NR3C2: variants seen among roughly 807,000 people sequenced by gnomAD.
NR3C2 encodes mineralocorticoid receptor.
In NR3C2, 15 loss-of-function variants were observed where a neutral mutation model predicts 86.4. The ratio of observed to expected loss-of-function variants is 0.17; its 90% CI spans 0.12 to 0.27. NR3C2 has a LOEUF of 0.27. Ranked by LOEUF, NR3C2 falls within the 10% of genes least tolerant of loss-of-function variation. NR3C2 has a pLI of 1.00. For missense variants in NR3C2, 960 were observed against 1,195.6 expected (o/e 0.80, Z 2.91); for synonymous variants, 458 against 450.5 (o/e 1.02, Z -0.21).
At chr4:148,401,731 G>A (rs1342096618) in intron 2 of NR3C2, among the ~76,000 whole-genome samples, 4 of 151,990 alleles carry the variant, frequency 2.6e-5, no homozygotes, top group Admixed American at 1.3e-4. Flanking sequence ...CAAAGTGCTG[G>A]GATTACAGGT....
chr4:148,192,271 C>G (rs183318971), intron 4 of NR3C2, among the ~76,000 whole-genome samples: 1 of 152,302 alleles, frequency 6.6e-6, no homozygotes, highest in African/African-American at 2.4e-5. Context: ...AGCCACCCAG[C>G]AAGTCTACCT....
rs573675842 is a variant in NR3C2, at chr4:148,191,233, A to C, written c.2014+3513T>G. ...CTGAAAATGGCTGTATCTTTCCTTC[A>C]TATGTGATACTTAGTTTCACTGGAT... On this transcript the variant is annotated intron_variant, in intron 4 of 8. Coordinates refer to ENST00000358102, the MANE Select transcript of NR3C2 (RefSeq NM_000901.5). Among the ~76,000 whole-genome samples the C allele has an allele frequency of 5.6e-4, 85 of 152,250 alleles. 1 individual carries two copies. In the South Asian group the frequency reaches 9.7e-3, roughly 17 times the overall value.
chr4:148,084,515 A>G (rs1185272895), intron 8 of NR3C2, among the ~76,000 whole-genome samples: 22 of 152,240 alleles, frequency 1.4e-4, no homozygotes, highest in Admixed American at 1.4e-3. Context: ...TCCTGAAGGA[A>G]GCGCTAGACA....
At chr4:148,401,630 AT>A (rs1748170883) in intron 2 of NR3C2, among the ~76,000 whole-genome samples, 2 of 151,718 alleles carry the variant, frequency 1.3e-5, no homozygotes, top group Non-Finnish European at 2.9e-5. Context: ...CGCCCGGCTA[AT>A]TTTTGTATTT....
At chr4:148,352,366 C>CTA in intron 2 of NR3C2, among the ~76,000 whole-genome samples, 1 of 145,284 alleles carries the variant, frequency 6.9e-6, no homozygotes, top group Non-Finnish European at 1.5e-5. Context: ...CTACATACAA[C>CTA]TCCTATCATC....
chr4:148,259,064 C>T (rs1739964257), intron 3 of NR3C2, among the ~76,000 whole-genome samples: 1 of 152,112 alleles, frequency 6.6e-6, no homozygotes, highest in South Asian at 2.1e-4. Context: ...AAGATATGAC[C>T]TTGTGGTCTC....
rs1578942813 is a variant in NR3C2, at chr4:148,150,529, T to A, written c.2510+1940A>T. The stretch of plus-strand genomic sequence containing the variant: ...GGGCCAGCCATCTTAAACGGTGAAA[T>A]CACCAAAAGGCATAAAAATGCAAAA... On this transcript the variant is annotated intron_variant, in intron 6 of 8. Transcript: ENST00000358102. 3.9e-5 allele frequency among the ~76,000 whole-genome samples: 6 copies of A among 152,150 alleles called. 1 individual carries two copies. Among genetic ancestry groups the A allele is most frequent in the Admixed American group, 3.9e-4 (6 of 15,276 alleles).
intron 3 of NR3C2, among the ~76,000 whole-genome samples, chr4:148,241,449 C>T (rs952252735): frequency 1.3e-5 from 2 of 151,746 alleles, no homozygotes; most frequent in African/African-American, 4.8e-5. Flanking sequence ...CCCTTCCATA[C>T]CACATTAGCC....
intron 8 of NR3C2, among the ~76,000 whole-genome samples, chr4:148,098,805 A>T (rs1376272769): frequency 6.6e-6 from 1 of 152,234 alleles, no homozygotes; most frequent in Admixed American, 6.5e-5. Flanking sequence ...GCATCTTCCT[A>T]GCCTTTTAAA....
intron 2 of NR3C2, among the ~76,000 whole-genome samples, chr4:148,432,149 G>C (rs1340132756): frequency 2.0e-5 from 3 of 152,096 alleles, no homozygotes; most frequent in Non-Finnish European, 4.4e-5. Flanking sequence ...TTAGTGAGAA[G>C]AGTGGCACTG....
At chr4:148,149,232 C>T (rs1223365660) in intron 6 of NR3C2, among the ~76,000 whole-genome samples, 3 of 152,174 alleles carry the variant, frequency 2.0e-5, no homozygotes, top group Non-Finnish European at 2.9e-5. Flanking sequence ...CTAATAATTA[C>T]ATCAATAACA....
chr4:148,142,029 TGAGG>T (rs760328472), intron 6 of NR3C2, among the ~76,000 whole-genome samples: 1 of 151,994 alleles, frequency 6.6e-6, no homozygotes, highest in Admixed American at 6.6e-5. Flanking sequence ...GGGTTGGGCT[TGAGG>T]GAGGGAGAAG....
intron 2 of NR3C2, among the ~76,000 whole-genome samples, chr4:148,423,858 G>A (rs184948036): frequency 3.4e-4 from 51 of 152,200 alleles, no homozygotes; most frequent in Admixed American, 1.1e-3. Context: ...ACAGTTGCAC[G>A]CCACTACGCC....
rs550163515 is a variant in NR3C2, at chr4:148,087,168, T to C, written c.2800-5669A>G. 3.9e-5 allele frequency among the ~76,000 whole-genome samples: 6 copies of C among 152,292 alleles called. 1 individual carries two copies. The East Asian group carries it at 9.6e-4, about 24-fold the overall frequency. ...ATCATTAGTGAACTCCCATTCACAA[T>C]TGCTACAAACAGAATAAAATAACTA... On this transcript the variant is annotated intron_variant, in intron 8 of 8. Transcript: ENST00000358102.
At chr4:148,309,591 TTCTC>T (rs1023920974) in intron 2 of NR3C2, among the ~76,000 whole-genome samples, 1 of 151,052 alleles carries the variant, frequency 6.6e-6, no homozygotes, top group Non-Finnish European at 1.5e-5. Context: ...AATCTTCATA[TTCTC>T]TCTTTCTATA....
At chr4:148,442,721 C>G, upstream of NR3C2, 1 of 985,400 alleles carries the variant, frequency 1.0e-6, no homozygotes, top group Non-Finnish European at 1.2e-6. Context: ...CGGCAGCTTC[C>G]TTAAAGCCGC....
chr4:148,429,270 T>C (rs72645609), intron 2 of NR3C2, among the ~76,000 whole-genome samples: 2,480 of 152,330 alleles, frequency 0.016, 58 homozygotes, highest in African/African-American at 0.057. Context: ...AGTTTTCATA[T>C]ATTTATCTCA....
At chr4:148,155,788 G>A (rs917862383) in intron 4 of NR3C2, among the ~76,000 whole-genome samples, 1 of 151,996 alleles carries the variant, frequency 6.6e-6, no homozygotes, top group Non-Finnish European at 1.5e-5. Context: ...AACCAAAAAA[G>A]AGCCTGCATC....
chr4:148,123,880 C>A (rs1387948588), intron 6 of NR3C2, among the ~76,000 whole-genome samples: 1 of 152,248 alleles, frequency 6.6e-6, no homozygotes, highest in Non-Finnish European at 1.5e-5. Flanking sequence ...CACTTTACTC[C>A]TGAGTTCAGT....
Sources: gnomAD v4.1 joint callset for allele counts (sites outside exome capture counted in the v4.1 genomes callset) on GRCh38, gnomAD v4.1.1 for gene constraint, MANE v1.5 for transcripts, NCBI Gene and HGNC (gene_info 2026-07-23, HGNC 2026-07-21) for gene names.